Variants in NR6A1 observed in about 807,000 individuals in gnomAD.
NR6A1 encodes nuclear receptor subfamily 6 group A member 1, also known as retinoic acid receptor-related testis-associated receptor.
A neutral mutation model predicts 59.1 loss-of-function variants in NR6A1; 7 were observed. That is an observed-to-expected ratio of 0.12 (90% CI 0.07 to 0.22). The LOEUF is 0.22. Ranked by LOEUF, NR6A1 falls within the 10% of genes least tolerant of loss-of-function variation. The pLI is 1.00. For synonymous variants in NR6A1, 243 were observed against 236.1 expected (o/e 1.03, Z -0.27); for missense variants, 468 against 611.6 (o/e 0.77, Z 2.48).
At chr9:124,580,784 T>G (rs1349337143) in intron 2 of NR6A1, among the ~76,000 whole-genome samples, 6 of 152,030 alleles carry the variant, frequency 3.9e-5, no homozygotes, top group Non-Finnish European at 5.9e-5. Context: ...CGCGCCACTG[T>G]ACTCTAGCCT....
chr9:124,540,116 G>A lies in NR6A1; in HGVS notation c.513C>T (p.Asn171=), dbSNP rs1833401390. 1 of 1,614,062 alleles carries A rather than the reference G, an allele frequency of 6.2e-7. No individual in the cohort carries two copies. Among genetic ancestry groups the A allele is most frequent in the Non-Finnish European group, 8.5e-7 (1 of 1,179,970 alleles). The stretch of plus-strand genomic sequence containing the variant: ...GGGAACTGTGGTCACTATCACCATG[G>A]TTGCTCCAGTGATTGGCCTCTTCCT... ...EFEEEANHWS[N]HGDSDHSSPG... Residue 171 remains asparagine, a synonymous_variant, in exon 5 of 10, where the codon AAC becomes AAT. Coordinates refer to ENST00000487099, the MANE Select transcript of NR6A1 (RefSeq NM_033334.4).
chr9:124,663,742 T>C (rs552388882), intron 2 of NR6A1, among the ~76,000 whole-genome samples: 3 of 152,208 alleles, frequency 2.0e-5, no homozygotes, highest in East Asian at 3.9e-4. Flanking sequence ...AACAAACATA[T>C]GAATGTAAAA....
chr9:124,615,108 G>A (rs1234599711), intron 2 of NR6A1, among the ~76,000 whole-genome samples: 2 of 152,172 alleles, frequency 1.3e-5, no homozygotes, highest in Non-Finnish European at 2.9e-5. Flanking sequence ...TCTTTATCAT[G>A]TAACTTTGAG....
chr9:124,565,541 AAAGGC>A (rs138968216), intron 2 of NR6A1, among the ~76,000 whole-genome samples: 5,053 of 152,308 alleles, frequency 0.033, 247 homozygotes, highest in African/African-American at 0.12. Context: ...AATAGAGTGA[AAAGGC>A]AAGCCACAGC....
chr9:124,748,077 CTT>C (rs910546742), intron 1 of NR6A1, among the ~76,000 whole-genome samples: 1 of 152,196 alleles, frequency 6.6e-6, no homozygotes, highest in African/African-American at 2.4e-5. Flanking sequence ...TGCAAACTCT[CTT>C]TATACAGAGA....
chr9:124,561,278 A>T (rs1438278560), intron 2 of NR6A1, among the ~76,000 whole-genome samples: 1 of 152,068 alleles, frequency 6.6e-6, no homozygotes, highest in Admixed American at 6.5e-5. Context: ...TCTACAAAAA[A>T]TACAAAAAAT....
In NR6A1 at chr9:124,522,408, A is replaced by C. The variant is rs1422811002; in HGVS notation, c.*297T>G. ...AAAGAACTATTTCTAAACAATGACAACACTGTAACATTAAACATCTTCACA... is the reference window on the plus strand; with the variant it reads ...AAAGAACTATTTCTAAACAATGACACCACTGTAACATTAAACATCTTCACA... On this transcript the variant is annotated 3_prime_UTR_variant, in exon 10 of 10. Coordinates refer to ENST00000487099, the MANE Select transcript of NR6A1 (RefSeq NM_033334.4). The C allele has an allele frequency of 4.6e-6, 1 of 218,020 alleles. No individual in the cohort carries two copies. The allele number at this position is 218,020 out of a possible 1,614,324, so 13.5% of individuals were successfully genotyped here.
intron 2 of NR6A1, among the ~76,000 whole-genome samples, chr9:124,557,132 C>T (rs961679901): frequency 6.6e-6 from 1 of 152,052 alleles, no homozygotes; most frequent in African/African-American, 2.4e-5. Context: ...ATACAATCCT[C>T]CTTTTTTCTT....
chr9:124,630,247 C>G (rs1003662416), intron 2 of NR6A1, among the ~76,000 whole-genome samples: 7 of 93,886 alleles, frequency 7.5e-5, no homozygotes, highest in Admixed American at 6.3e-4. Flanking sequence ...CGGAGTTTTG[C>G]TCTTGTTGCC....
chr9:124,694,659 A>G (rs1838683647), intron 2 of NR6A1, among the ~76,000 whole-genome samples: 1 of 152,218 alleles, frequency 6.6e-6, no homozygotes, highest in South Asian at 2.1e-4. Context: ...TTAAAGAAAG[A>G]AAAACAAGGC....
intron 2 of NR6A1, among the ~76,000 whole-genome samples, chr9:124,600,813 G>GA (rs958593242): frequency 5.9e-5 from 9 of 152,180 alleles, no homozygotes; most frequent in Admixed American, 3.9e-4. Flanking sequence ...CATTTGGGCT[G>GA]AACCTTGAAG....
rs118127105 is a variant in NR6A1 at position 124,761,107 on chromosome 9, G to A, written c.100+9913C>T. ...AAATCTGTCTCAGTTATTAGGTTTC[G>A]TAATTAAAGCAATTTAACTCAACTG... is the stretch of plus-strand genomic sequence containing the variant. On this transcript the variant is annotated intron_variant, in intron 1 of 9. Coordinates refer to ENST00000487099, the MANE Select transcript of NR6A1 (RefSeq NM_033334.4). 2.8e-4 allele frequency among the ~76,000 whole-genome samples: 43 copies of A among 152,336 alleles called. No homozygotes were observed. In the East Asian group the frequency reaches 7.1e-3, roughly 25 times the overall value.
intron 2 of NR6A1, among the ~76,000 whole-genome samples, chr9:124,638,859 C>A (rs1215835407): frequency 6.6e-6 from 1 of 152,172 alleles, no homozygotes; most frequent in Non-Finnish European, 1.5e-5. Context: ...CTTGTGAAAG[C>A]CCTTAAGTGA....
chr9:124,608,302 C>G (rs1326511526), intron 2 of NR6A1, among the ~76,000 whole-genome samples: 2 of 151,940 alleles, frequency 1.3e-5, no homozygotes, highest in African/African-American at 4.8e-5. Flanking sequence ...CCCTCCCCCA[C>G]CCCCAACAGG....
chr9:124,662,253 A>G (rs903087562), intron 2 of NR6A1, among the ~76,000 whole-genome samples: 3 of 152,208 alleles, frequency 2.0e-5, no homozygotes, highest in Non-Finnish European at 4.4e-5. Context: ...TTCTTCCTAA[A>G]CATATGAGAC....
chr9:124,585,180 G>C (rs1327887105), intron 2 of NR6A1, among the ~76,000 whole-genome samples: 1 of 152,172 alleles, frequency 6.6e-6, no homozygotes, highest in African/African-American at 2.4e-5. Flanking sequence ...AGCTGCAGAA[G>C]AAAGGTTTGA....
chr9:124,663,512 T>TCAATC (rs1837511878), intron 2 of NR6A1, among the ~76,000 whole-genome samples: 1 of 152,188 alleles, frequency 6.6e-6, no homozygotes, highest in South Asian at 2.1e-4. Context: ...AATACAAATA[T>TCAATC]CAATCCCTTC....
chr9:124,648,327 A>C (rs949137579), intron 2 of NR6A1, among the ~76,000 whole-genome samples: 6 of 152,176 alleles, frequency 3.9e-5, no homozygotes, highest in Non-Finnish European at 8.8e-5. Context: ...GCGAGACCCC[A>C]TCTCTACCAA....
intron 1 of NR6A1, among the ~76,000 whole-genome samples, chr9:124,758,911 C>G (rs1467718715): frequency 6.6e-6 from 1 of 152,134 alleles, no homozygotes; most frequent in Non-Finnish European, 1.5e-5. Context: ...CCATCATAAA[C>G]CTGGAAAATC....
Sources: allele counts gnomAD v4.1 joint callset (sites outside exome capture counted in the v4.1 genomes callset), GRCh38; gene constraint gnomAD v4.1.1; transcripts MANE v1.5; gene names NCBI Gene and HGNC (gene_info 2026-07-23, HGNC 2026-07-21).